The following RADIL variants were observed in gnomAD, a reference collection of about 807,000 sequenced individuals.
The protein encoded by RADIL is Rap associating with DIL domain.
RADIL carries 99 observed loss-of-function variants against 97.6 expected under a neutral mutation model. That is an observed-to-expected ratio of 1.01 (90% CI 0.86 to 1.20). RADIL has a LOEUF of 1.20. RADIL is among the 50% of genes most tolerant of loss of function. The probability of loss-of-function intolerance (pLI) is 0.00; values close to 1 mark genes in which losing one functional copy is unlikely to be tolerated. For synonymous variants in RADIL, 803 were observed against 691.8 expected (o/e 1.16, Z -2.52); for missense variants, 1,765 against 1,498.9 (o/e 1.18, Z -2.93).
In RADIL at chr7:4,842,792, AG is replaced by A. The variant is rs2115011602; in HGVS notation, c.536-6188del. On this transcript the variant is annotated intron_variant, in intron 2 of 14. Transcript: ENST00000399583. This position sits in a 1 kb window ranked among gnomAD's most constrained non-coding sequence, Gnocchi z 4.5. Reference sequence around the variant, plus strand: ...ATGAAGTGACTAGGAGTGGAGACGGAGGGGATAATGAAACGTTCCTGGGCTG... The same window carrying A: ...ATGAAGTGACTAGGAGTGGAGACGGAGGGATAATGAAACGTTCCTGGGCTG... 6.6e-6 allele frequency among the ~76,000 whole-genome samples: 1 copy of A among 152,174 alleles called. No homozygotes were observed. The highest frequency in any genetic ancestry group is 1.9e-4 in the East Asian group (1 of 5,170).
intron 9 of RADIL, among the ~76,000 whole-genome samples, chr7:4,807,761 C>T (rs1227184867): frequency 1.3e-5 from 1 of 77,988 alleles, no homozygotes; most frequent in Non-Finnish European, 2.5e-5. Flanking sequence ...CCCTTTCTCC[C>T]CCTCCGTCTC....
intron 5 of RADIL, among the ~76,000 whole-genome samples, chr7:4,830,611 C>T (rs1783113208): frequency 6.6e-6 from 1 of 152,192 alleles, no homozygotes; most frequent in African/African-American, 2.4e-5. Context: ...GGCACAGTGG[C>T]TCACGCTTGT....
chr7:4,800,413 G>T lies in RADIL; in HGVS notation c.2843-103C>A, dbSNP rs1383099883. 6.4e-6 allele frequency: 8 copies of T among 1,245,150 alleles called. No homozygotes were observed. The East Asian group carries it at 2.4e-4, about 38-fold the overall frequency. The allele number at this position is 1,245,150 out of a possible 1,614,324, so 77.1% of individuals were successfully genotyped here. A position where few individuals can be genotyped will look rare whatever the true frequency, so the allele number is the denominator to read the frequency against. On this transcript the variant is annotated intron_variant, in intron 12 of 14. Transcript: ENST00000399583. Reference sequence around the variant, plus strand: ...TGCCTCTGTAGGGCGTCAGGGATGGGATGGCCTCCTGTGGCTCCCAGGAGA... The same window carrying T: ...TGCCTCTGTAGGGCGTCAGGGATGGTATGGCCTCCTGTGGCTCCCAGGAGA...
At chr7:4,860,707 G>A (rs1309721324) in intron 2 of RADIL, 1 of 1,614,036 alleles carries the variant, frequency 6.2e-7, no homozygotes, top group African/African-American at 1.3e-5. Context: ...ACTTTTGAAA[G>A]AAGCTTGGAG....
Position 4,878,924 on chromosome 7 carries a change from CACAA to C in RADIL, c.-64-725_-64-722del, listed in dbSNP as rs1298457507. On this transcript the variant is annotated intron_variant, in intron 1 of 14. Transcript: ENST00000399583. The surrounding 1 kb of genome is among the most constrained non-coding windows in gnomAD (Gnocchi z 4.1). ...ACAGGCTGCGACGTGGGAAATGGGTCACAAACACAGTGCAACCAGGAAAACAGGC... is the reference window on the plus strand; with the variant it reads ...ACAGGCTGCGACGTGGGAAATGGGTCACACAGTGCAACCAGGAAAACAGGC... Among the ~76,000 whole-genome samples the C allele has an allele frequency of 6.6e-6, 1 of 152,228 alleles. No individual in the cohort carries two copies. Among genetic ancestry groups the C allele is most frequent in the East Asian group, 1.9e-4 (1 of 5,202 alleles).
intron 2 of RADIL, 53 bp from the exon 3 acceptor site, chr7:4,836,658 C>A (rs1162038372): frequency 1.3e-5 from 21 of 1,597,808 alleles, no homozygotes; most frequent in African/African-American, 1.1e-4. Flanking sequence ...AGCACCAGGA[C>A]TGGGCGCGGT....
rs372583179 is a variant in RADIL at position 4,805,642 on chromosome 7, G to A, written c.2214C>T (p.Tyr738=). 6.8e-6 allele frequency: 11 copies of A among 1,611,732 alleles called. No individual in the cohort carries two copies. The African/African-American group carries it at 1.3e-4, about 20-fold the overall frequency. The change falls in exon 10 of 15, where the codon TAC becomes TAT. Residue 738 remains tyrosine, a synonymous_variant. Coordinates refer to ENST00000399583, the MANE Select transcript of RADIL (RefSeq NM_018059.5). ...PAQLHRLLTH[Y]QLASAMGPMS... ...TGGGGCCCATGGCCGAGGCCAGCTGGTAGTGAGTCAGCAGCCGGTGCAGCT... is the reference window on the plus strand; with the variant it reads ...TGGGGCCCATGGCCGAGGCCAGCTGATAGTGAGTCAGCAGCCGGTGCAGCT...
intron 12 of RADIL, among the ~76,000 whole-genome samples, chr7:4,800,807 G>A (rs958922342): frequency 1.3e-5 from 2 of 152,292 alleles, no homozygotes; most frequent in South Asian, 4.1e-4. Flanking sequence ...GTGCACTTAG[G>A]TCAGAGATGA....
At chr7:4,800,852 C>T (rs918765671) in intron 12 of RADIL, among the ~76,000 whole-genome samples, 2 of 152,284 alleles carry the variant, frequency 1.3e-5, no homozygotes, top group African/African-American at 4.8e-5. Flanking sequence ...GCCTGGGACC[C>T]AGCTTGGCCA....
intron 2 of RADIL, among the ~76,000 whole-genome samples, chr7:4,866,291 C>T (rs1191374146): frequency 6.6e-6 from 1 of 152,052 alleles, no homozygotes; most frequent in Non-Finnish European, 1.5e-5. Context: ...ACCACTGCAC[C>T]CAGCCACATC....
At chr7:4,869,628 C>T (rs1784208917) in intron 2 of RADIL, among the ~76,000 whole-genome samples, 1 of 151,902 alleles carries the variant, frequency 6.6e-6, no homozygotes, top group Non-Finnish European at 1.5e-5. Flanking sequence ...TGCTATAGCC[C>T]ACCCAATTCC....
At chr7:4,874,361 T>C (rs1784320977) in intron 2 of RADIL, among the ~76,000 whole-genome samples, 1 of 152,228 alleles carries the variant, frequency 6.6e-6, no homozygotes, top group Admixed American at 6.5e-5. Flanking sequence ...GCCTGGCTTA[T>C]CCACGTGGGG....
chr7:4,856,220 C>T (rs2115026796), intron 2 of RADIL, among the ~76,000 whole-genome samples: 1 of 152,208 alleles, frequency 6.6e-6, no homozygotes, highest in African/African-American at 2.4e-5. Context: ...GCATCGGCCT[C>T]CTGGGACTGA....
intron 5 of RADIL, among the ~76,000 whole-genome samples, chr7:4,823,524 G>A (rs1782892598): frequency 6.6e-6 from 1 of 152,068 alleles, no homozygotes; most frequent in Non-Finnish European, 1.5e-5. Context: ...AGCAGAAGTA[G>A]CTCAGGCCCC....
intron 2 of RADIL, among the ~76,000 whole-genome samples, chr7:4,871,555 C>G (rs1358684423): frequency 6.6e-6 from 1 of 152,220 alleles, no homozygotes; most frequent in African/African-American, 2.4e-5. Context: ...CTGCCAGCTC[C>G]ATCGCAGCAC....
intron 9 of RADIL, chr7:4,805,988 C>T: frequency 3.0e-6 from 3 of 985,474 alleles, no homozygotes; most frequent in Non-Finnish European, 3.6e-6. Flanking sequence ...GGGCCGGCCT[C>T]ACAGGCGGCC....
In RADIL at chr7:4,837,964, C is replaced by T. The variant is rs529293402; in HGVS notation, c.536-1359G>A. 8.1e-6 allele frequency: 8 copies of T among 985,270 alleles called. No homozygotes were observed. Among genetic ancestry groups the T allele is most frequent in the African/African-American group, 1.7e-5 (1 of 57,240 alleles). The allele number at this position is 985,270 out of a possible 1,614,324, so 61.0% of individuals were successfully genotyped here. ...ATTCCCAATAAAACCAAACAAAAGC[C>T]GGATGGAGGGAGGCGTCAGCTGGCT... On this transcript the variant is annotated intron_variant, in intron 2 of 14. Coordinates refer to ENST00000399583, the MANE Select transcript of RADIL (RefSeq NM_018059.5). This position sits in a 1 kb window ranked among gnomAD's most constrained non-coding sequence, Gnocchi z 5.6.
intron 2 of RADIL, among the ~76,000 whole-genome samples, chr7:4,874,693 G>A (rs1784329198): frequency 6.6e-6 from 1 of 152,238 alleles, no homozygotes; most frequent in Non-Finnish European, 1.5e-5. Context: ...ACCGCCACGA[G>A]CTTAGACAGG....
At chr7:4,807,188 G>T (rs932440939) in intron 9 of RADIL, among the ~76,000 whole-genome samples, 1 of 152,004 alleles carries the variant, frequency 6.6e-6, no homozygotes, top group African/African-American at 2.4e-5. Flanking sequence ...ATATCCAGGG[G>T]CCTGGGCTGT....
Sources: gnomAD v4.1 joint callset for allele counts (sites outside exome capture counted in the v4.1 genomes callset) on GRCh38, gnomAD v4.1.1 for gene constraint, Gnocchi (gnomAD v3.1) non-coding constraint, MANE v1.5 for transcripts, NCBI Gene and HGNC (gene_info 2026-07-23, HGNC 2026-07-21) for gene names.